The following PCDHGB7 variants were observed in gnomAD, a reference collection of about 807,000 sequenced individuals.
The protein encoded by PCDHGB7 is protocadherin gamma-B7.
In PCDHGB7, 37 loss-of-function variants were observed where a neutral mutation model predicts 61.4. The ratio of observed to expected loss-of-function variants is 0.60; its 90% CI spans 0.46 to 0.79. The LOEUF (loss-of-function observed/expected upper bound fraction) is 0.79. Among genes scored for constraint, PCDHGB7 ranks in the 30% least tolerant of loss-of-function variants. PCDHGB7 has a pLI of 0.00. For synonymous variants in PCDHGB7, 464 were observed against 503.5 expected (o/e 0.92, Z 1.05); for missense variants, 1,166 against 1,202.5 (o/e 0.97, Z 0.45).
chr5:141,492,125 C>T (rs1284932830), intron 1 of PCDHGB7, among the ~76,000 whole-genome samples: 1 of 152,222 alleles, frequency 6.6e-6, no homozygotes, highest in Non-Finnish European at 1.5e-5. Context: ...TTCTCCCCAG[C>T]TCCCAGCATC....
rs1452737362 is a variant in PCDHGB7, at chr5:141,432,324, A to G, written c.2415+12050A>G. On this transcript the variant is annotated intron_variant, in intron 1 of 3. Transcript: ENST00000398594. The surrounding 1 kb of genome is among the most constrained non-coding windows in gnomAD (Gnocchi z 6.0). ...CTGTATGCGCTGAGCTCCTTCGACTACGAGCAGTTCCGAGACTTGCAAGTG... is the reference window on the plus strand; with the variant it reads ...CTGTATGCGCTGAGCTCCTTCGACTGCGAGCAGTTCCGAGACTTGCAAGTG... 3 of 1,614,058 alleles carry G rather than the reference A, an allele frequency of 1.9e-6. No homozygotes were observed. The highest frequency in any genetic ancestry group is 2.7e-5 in the African/African-American group (2 of 74,910).
chr5:141,435,838 C>T (rs1037110579), intron 1 of PCDHGB7, among the ~76,000 whole-genome samples: 1 of 152,062 alleles, frequency 6.6e-6, no homozygotes, highest in Non-Finnish European at 1.5e-5. Context: ...TGCCTATCTA[C>T]TTTGAAAGAT....
intron 1 of PCDHGB7, among the ~76,000 whole-genome samples, chr5:141,483,164 T>C (rs1051456583): frequency 1.1e-4 from 17 of 152,148 alleles, no homozygotes; most frequent in Non-Finnish European, 2.5e-4. Context: ...AGATCCTGAG[T>C]TACCTTTGGG....
chr5:141,487,905 G>C lies in PCDHGB7; in HGVS notation c.2416-6902G>C. The C allele has an allele frequency of 1.5e-6, 1 of 686,388 alleles. No individual in the cohort carries two copies. 42.5% of individuals were successfully genotyped at this position (686,388 alleles called of 1,614,324 possible). On this transcript the variant is annotated intron_variant, in intron 1 of 3. Transcript: ENST00000398594. This position sits in a 1 kb window ranked among gnomAD's most constrained non-coding sequence, Gnocchi z 5.0. ...GTGGAAGCATGATGATGGAATGTGG[G>C]AGCACAGGAGGCTACAGTGCACAGG...
chr5:141,436,781 A>C (rs1041532929), intron 1 of PCDHGB7, among the ~76,000 whole-genome samples: 1 of 152,236 alleles, frequency 6.6e-6, no homozygotes, highest in Admixed American at 6.5e-5. Flanking sequence ...TGTGGATGGA[A>C]ATAAAACTGT....
chr5:141,505,413 C>G lies in PCDHGB7; in HGVS notation c.2495C>G (p.Thr832Ser). ...CCCAGCTCCCAAAATGGCGATGACA[C>G]CGGCACCTGGCCCAACAACCAGTTT... Reference protein sequence around the residue: ...GTSGSQNGDDTGTWPNNQFDT... With the variant: ...GTSGSQNGDDSGTWPNNQFDT... Residue 832 changes from threonine to serine, a missense_variant, in exon 3 of 4, where the codon ACC (threonine) becomes AGC (serine). Physicochemically the swap from Thr to Ser is moderately conservative, Grantham distance 58. Coordinates refer to ENST00000398594, the MANE Select transcript of PCDHGB7 (RefSeq NM_018927.4). 2.5e-6 allele frequency: 4 copies of G among 1,614,202 alleles called. No individual in the cohort carries two copies. In the South Asian group the frequency reaches 4.4e-5, roughly 18 times the overall value.
intron 1 of PCDHGB7, among the ~76,000 whole-genome samples, chr5:141,467,951 A>G (rs2099155044): frequency 6.6e-6 from 1 of 151,944 alleles, no homozygotes; most frequent in East Asian, 1.9e-4. Context: ...GAGCCACCAC[A>G]CCCGGCTGCC....
At chr5:141,474,044 T>A (rs1442885504) in intron 1 of PCDHGB7, among the ~76,000 whole-genome samples, 3 of 152,162 alleles carry the variant, frequency 2.0e-5, no homozygotes. Context: ...TACTCCAGCC[T>A]GGATGACAGA....
chr5:141,465,385 C>T (rs752724696), intron 1 of PCDHGB7, among the ~76,000 whole-genome samples: 3 of 151,978 alleles, frequency 2.0e-5, no homozygotes, highest in Admixed American at 6.6e-5. Context: ...AGATTAGGAA[C>T]AAAAACAAGT....
Position 141,432,477 on chromosome 5 carries a change from C to G in PCDHGB7, c.2415+12203C>G. On this transcript the variant is annotated intron_variant, in intron 1 of 3. Coordinates refer to ENST00000398594, the MANE Select transcript of PCDHGB7 (RefSeq NM_018927.4). This position sits in a 1 kb window ranked among gnomAD's most constrained non-coding sequence, Gnocchi z 6.0. ...CCCGCCCTCCCCACGGACGGTTCCA[C>G]TGGCGTGGAGCTGGCTCCCCGCTCC... 3 of 1,614,212 alleles carry G rather than the reference C, an allele frequency of 1.9e-6. No homozygotes were observed. Among genetic ancestry groups the G allele is most frequent in the Non-Finnish European group, 1.7e-6 (2 of 1,180,044 alleles).
intron 1 of PCDHGB7, among the ~76,000 whole-genome samples, chr5:141,452,299 A>G (rs2098738116): frequency 6.6e-6 from 1 of 152,176 alleles, no homozygotes; most frequent in African/African-American, 2.4e-5. Flanking sequence ...ATAAGAAAAT[A>G]TTAGAGACTC....
chr5:141,456,800 TA>T (rs1038857337), intron 1 of PCDHGB7, among the ~76,000 whole-genome samples: 2 of 151,846 alleles, frequency 1.3e-5, no homozygotes, highest in African/African-American at 4.8e-5. Flanking sequence ...CCATCTCTAC[TA>T]AAAATACAAA....
Position 141,476,870 on chromosome 5 carries a change from C to T in PCDHGB7, c.2416-17937C>T, listed in dbSNP as rs2099400432. 3 of 1,613,772 alleles carry T rather than the reference C, an allele frequency of 1.9e-6. No individual in the cohort carries two copies. Among genetic ancestry groups the T allele is most frequent in the South Asian group, 1.1e-5 (1 of 91,094 alleles). On this transcript the variant is annotated intron_variant, in intron 1 of 3. Coordinates refer to ENST00000398594, the MANE Select transcript of PCDHGB7 (RefSeq NM_018927.4). The surrounding 1 kb of genome is among the most constrained non-coding windows in gnomAD (Gnocchi z 7.6). ...CTTCAACCAGTCCTTGTACCGGGCGCGCGTCCTGGAGGATGCACCCTCCGG... is the reference window on the plus strand; with the variant it reads ...CTTCAACCAGTCCTTGTACCGGGCGTGCGTCCTGGAGGATGCACCCTCCGG...
At position 141,487,448 on chromosome 5, in the gene PCDHGB7, C is replaced by T; in HGVS notation, c.2416-7359C>T. The stretch of plus-strand genomic sequence containing the variant: ...CCGAATCCAGCTAGGGTCAGATGAC[C>T]CTATCAAGTTTGTTGATGTGGGAGG... On this transcript the variant is annotated intron_variant, in intron 1 of 3. Coordinates refer to ENST00000398594, the MANE Select transcript of PCDHGB7 (RefSeq NM_018927.4). The surrounding 1 kb of genome is among the most constrained non-coding windows in gnomAD (Gnocchi z 5.0). 6.8e-6 allele frequency: 11 copies of T among 1,614,146 alleles called. No individual in the cohort carries two copies. The highest frequency in any genetic ancestry group is 9.3e-6 in the Non-Finnish European group (11 of 1,180,028).
chr5:141,448,912 T>C (rs1195715286), intron 1 of PCDHGB7, among the ~76,000 whole-genome samples: 1 of 152,152 alleles, frequency 6.6e-6, no homozygotes, highest in Non-Finnish European at 1.5e-5. Flanking sequence ...GCCACTGCAC[T>C]CCAGCCTGGG....
In PCDHGB7 at chr5:141,422,509, C is replaced by G. The variant is rs1249006816; in HGVS notation, c.2415+2235C>G. On this transcript the variant is annotated intron_variant, in intron 1 of 3. Coordinates refer to ENST00000398594, the MANE Select transcript of PCDHGB7 (RefSeq NM_018927.4). ...CAATATAACGTTGACAGCCACAGAC[C>G]AGGGAAGCCCGCCTTTGTCTGCAGA... The G allele has an allele frequency of 1.9e-6, 3 of 1,613,836 alleles. No homozygotes were observed. In the South Asian group the frequency reaches 3.3e-5, roughly 18 times the overall value.
At chr5:141,435,314 G>T (rs1490871069) in intron 1 of PCDHGB7, among the ~76,000 whole-genome samples, 6 of 152,006 alleles carry the variant, frequency 3.9e-5, no homozygotes, top group African/African-American at 9.7e-5. Flanking sequence ...AATCATTCAT[G>T]AACTTCCAAA....
At chr5:141,423,257 G>A in intron 1 of PCDHGB7, 2 of 1,613,946 alleles carry the variant, frequency 1.2e-6, no homozygotes, top group Non-Finnish European at 1.7e-6. Context: ...GCGGACCTCG[G>A]CAGCCTCGAG....
intron 1 of PCDHGB7, among the ~76,000 whole-genome samples, chr5:141,492,711 C>T (rs927567393): frequency 4.6e-5 from 7 of 152,254 alleles, no homozygotes; most frequent in East Asian, 3.8e-4. Flanking sequence ...AAGCCTCGAG[C>T]AGGCGGACAG....
Sources: allele counts gnomAD v4.1 joint callset (sites outside exome capture counted in the v4.1 genomes callset), GRCh38; gene constraint gnomAD v4.1.1; non-coding constraint Gnocchi (gnomAD v3.1); transcripts MANE v1.5; gene names NCBI Gene and HGNC (gene_info 2026-07-23, HGNC 2026-07-21).